C8orf34: variants seen among roughly 807,000 people sequenced by gnomAD.
The protein encoded by C8orf34 is uncharacterized protein C8orf34.
C8orf34 carries 65 observed loss-of-function variants against 68.3 expected under a neutral mutation model. The ratio of observed to expected loss-of-function variants is 0.95; its 90% CI spans 0.78 to 1.17. C8orf34 has a LOEUF of 1.17. Ranked by LOEUF, C8orf34 falls within the 50% of genes most tolerant of loss-of-function variation. The probability of loss-of-function intolerance (pLI) is 0.00; values close to 1 mark genes in which losing one functional copy is unlikely to be tolerated. For missense variants in C8orf34, 664 were observed against 655.4 expected (o/e 1.01, Z -0.14); for synonymous variants, 244 against 241.2 (o/e 1.01, Z -0.11).
At chr8:68,755,382 A>G (rs1340822464) in intron 10 of C8orf34, among the ~76,000 whole-genome samples, 1 of 152,230 alleles carries the variant, frequency 6.6e-6, no homozygotes, top group Admixed American at 6.5e-5. Context: ...ATAGAGTAAT[A>G]AGCCAGCATT....
chr8:68,765,792 A>T (rs1051899975), intron 10 of C8orf34, among the ~76,000 whole-genome samples: 20 of 152,342 alleles, frequency 1.3e-4, no homozygotes, highest in African/African-American at 4.8e-4. Context: ...CACTTGTGTA[A>T]TTAATTAAAA....
At chr8:68,503,727 T>C (rs1332890889) in intron 5 of C8orf34, among the ~76,000 whole-genome samples, 1 of 150,904 alleles carries the variant, frequency 6.6e-6, no homozygotes, top group African/African-American at 2.4e-5. Flanking sequence ...GAGGCCAAAG[T>C]GACTCAGTGA....
intron 9 of C8orf34, among the ~76,000 whole-genome samples, chr8:68,715,208 T>C (rs1307017279): frequency 6.6e-6 from 1 of 151,980 alleles, no homozygotes; most frequent in African/African-American, 2.4e-5. Context: ...TTCCAGACAT[T>C]AGCTTAAAGA....
chr8:68,596,633 G>A (rs1021926253), intron 7 of C8orf34, among the ~76,000 whole-genome samples: 1 of 152,052 alleles, frequency 6.6e-6, no homozygotes, highest in African/African-American at 2.4e-5. Flanking sequence ...ACACGATGGG[G>A]CCAGGTGACA....
chr8:68,776,452 G>A lies in C8orf34; in HGVS notation c.1455+3G>A, dbSNP rs758766402. The A allele has an allele frequency of 1.1e-5, 17 of 1,610,818 alleles. No homozygotes were observed. The highest frequency in any genetic ancestry group is 4.4e-5 in the South Asian group (4 of 90,980). On this transcript the variant is annotated splice_donor_region_variant and intron_variant, in intron 11 of 13. Transcript: ENST00000518698. ...CACTGAAAAACTACATGGAAGAAGT[G>A]AGTTTTAAGGTTGCTTTATAATGTA...
intron 1 of C8orf34, among the ~76,000 whole-genome samples, chr8:68,385,638 G>A (rs1808228144): frequency 6.6e-6 from 1 of 152,128 alleles, no homozygotes; most frequent in Non-Finnish European, 1.5e-5. Flanking sequence ...ATCCATGTAG[G>A]AAACATAGCT....
At chr8:68,794,583 C>T (rs971724885) in intron 12 of C8orf34, among the ~76,000 whole-genome samples, 1 of 145,598 alleles carries the variant, frequency 6.9e-6, no homozygotes, top group Admixed American at 6.9e-5. Context: ...TAGCTCACTG[C>T]AGCCTCAACC....
In C8orf34 at chr8:68,332,098, TTC is replaced by T. The variant is rs1329749961; in HGVS notation, c.327+768_327+769del. On this transcript the variant is annotated intron_variant, in intron 1 of 13. Coordinates refer to ENST00000518698, the MANE Select transcript of C8orf34 (RefSeq NM_052958.4). ...AGCTCTGAGCTGGTTTTGTTTTTTT[TTC>T]TCTCTCTCGCCATTAAAGAATTTAA... Among the ~76,000 whole-genome samples, 4 of 152,014 alleles carry T rather than the reference TTC, an allele frequency of 2.6e-5. No individual in the cohort carries two copies. The East Asian group carries it at 7.8e-4, about 29-fold the overall frequency.
intron 7 of C8orf34, among the ~76,000 whole-genome samples, chr8:68,571,173 A>G (rs1185623774): frequency 6.6e-6 from 1 of 152,198 alleles, no homozygotes; most frequent in Non-Finnish European, 1.5e-5. Flanking sequence ...CAAGAAAGCC[A>G]TGCCAGTGAG....
intron 10 of C8orf34, among the ~76,000 whole-genome samples, chr8:68,724,751 G>T (rs886154799): frequency 6.6e-6 from 1 of 152,072 alleles, no homozygotes; most frequent in Admixed American, 6.5e-5. Flanking sequence ...CAAATAGGCA[G>T]GTATTGATTA....
At chr8:68,709,454 G>A (rs1034497746) in intron 9 of C8orf34, among the ~76,000 whole-genome samples, 7 of 152,042 alleles carry the variant, frequency 4.6e-5, no homozygotes, top group South Asian at 2.1e-4. Context: ...CTTGCTATAC[G>A]TGCTGCTCCC....
chr8:68,780,936 T>C (rs927268688), intron 11 of C8orf34, among the ~76,000 whole-genome samples: 2 of 152,204 alleles, frequency 1.3e-5, no homozygotes, highest in Non-Finnish European at 2.9e-5. Context: ...AAGCAGTCCA[T>C]TACATGTATC....
rs1043331295 is a variant in C8orf34 at position 68,796,169 on chromosome 8, A to C, written c.1549+8633A>C. ...GACATACGGCAAGTTAAAACCCCAC[A>C]TAACTCACTTGTTCTTATTGAGATT... is the stretch of plus-strand genomic sequence containing the variant. On this transcript the variant is annotated intron_variant, in intron 12 of 13. Coordinates refer to ENST00000518698, the MANE Select transcript of C8orf34 (RefSeq NM_052958.4). Among the ~76,000 whole-genome samples, 7 of 152,210 alleles carry C rather than the reference A, an allele frequency of 4.6e-5. No homozygotes were observed. The East Asian group carries it at 1.3e-3, about 29-fold the overall frequency.
chr8:68,408,978 G>A (rs1586074714), intron 1 of C8orf34, among the ~76,000 whole-genome samples: 3 of 151,968 alleles, frequency 2.0e-5, no homozygotes, highest in African/African-American at 4.8e-5. Context: ...TAGTAGAGAC[G>A]CGGTTTCACC....
rs1296123934 is a variant in C8orf34, at chr8:68,656,446, T to A, written c.1241+15935T>A. 2.0e-5 allele frequency among the ~76,000 whole-genome samples: 3 copies of A among 152,308 alleles called. No individual in the cohort carries two copies. The East Asian group carries it at 5.8e-4, about 29-fold the overall frequency. ...TGTCTACATACAGGTAATAAATGGC[T>A]GAGGTAGGCATGAACCCAGTGCTTC... On this transcript the variant is annotated intron_variant, in intron 8 of 13. Coordinates refer to ENST00000518698, the MANE Select transcript of C8orf34 (RefSeq NM_052958.4).
intron 8 of C8orf34, among the ~76,000 whole-genome samples, chr8:68,701,439 C>G (rs1283032534): frequency 2.0e-5 from 3 of 152,036 alleles, no homozygotes; most frequent in African/African-American, 7.2e-5. Flanking sequence ...TAATCCCTAC[C>G]AAATTTCTCT....
At chr8:68,761,378 G>C (rs1823018803) in intron 10 of C8orf34, among the ~76,000 whole-genome samples, 2 of 151,980 alleles carry the variant, frequency 1.3e-5, no homozygotes, top group Admixed American at 6.6e-5. Context: ...GAAACTTCCT[G>C]CTCCCACTCA....
At chr8:68,561,180 C>T (rs1490787492) in intron 7 of C8orf34, among the ~76,000 whole-genome samples, 4 of 151,408 alleles carry the variant, frequency 2.6e-5, no homozygotes, top group Non-Finnish European at 5.9e-5. Flanking sequence ...GCAGGGTTTC[C>T]CCATGTTTCC....
chr8:68,344,421 G>T (rs1396377036), intron 1 of C8orf34, among the ~76,000 whole-genome samples: 3 of 152,092 alleles, frequency 2.0e-5, no homozygotes, highest in Non-Finnish European at 4.4e-5. Flanking sequence ...GAAAGTGAAT[G>T]AAACAATGTA....
Sources: gnomAD v4.1 joint callset for allele counts (sites outside exome capture counted in the v4.1 genomes callset) on GRCh38, gnomAD v4.1.1 for gene constraint, MANE v1.5 for transcripts, NCBI Gene and HGNC (gene_info 2026-07-23, HGNC 2026-07-21) for gene names.